The following COL4A3 variants were observed in gnomAD, a reference collection of about 807,000 sequenced individuals.
COL4A3 encodes collagen type IV alpha 3 chain.
A neutral mutation model predicts 217.4 loss-of-function variants in COL4A3; 135 were observed. That is an observed-to-expected ratio of 0.62 (90% CI 0.54 to 0.72). The LOEUF (loss-of-function observed/expected upper bound fraction) is 0.72, where lower values mean the gene tolerates loss of function less well. COL4A3 is among the 30% of genes least tolerant of loss of function. The pLI is 0.00. For synonymous variants in COL4A3, 690 were observed against 736.3 expected, an observed-to-expected ratio of 0.94 and a Z score of 1.02; for missense variants, 1,868 against 2,119.9, an observed-to-expected ratio of 0.88 and a Z score of 2.33.
chr2:227,262,983 T>TA (rs2070681498), intron 20 of COL4A3, among the ~76,000 whole-genome samples: 1 of 152,182 alleles, frequency 6.6e-6, no homozygotes, highest in African/African-American at 2.4e-5. Flanking sequence ...GGGTCAAAGA[T>TA]ACTCAAAAAT....
intron 20 of COL4A3, among the ~76,000 whole-genome samples, chr2:227,262,292 C>T (rs1467975074): frequency 6.6e-6 from 1 of 151,890 alleles, no homozygotes; most frequent in Non-Finnish European, 1.5e-5. Flanking sequence ...CTGCCAGGCC[C>T]CTAAGTAAAA....
chr2:227,190,883 G>C (rs930169863), intron 1 of COL4A3, among the ~76,000 whole-genome samples: 24 of 152,198 alleles, frequency 1.6e-4, no homozygotes, highest in Admixed American at 2.6e-4. Flanking sequence ...CTCCAGACTG[G>C]GTAACAGTAA....
intron 48 of COL4A3, among the ~76,000 whole-genome samples, 170 bp downstream of exon 48, chr2:227,308,089 T>C (rs1418092540): frequency 2.6e-5 from 4 of 152,226 alleles, no homozygotes; most frequent in South Asian, 4.1e-4. Context: ...CATTCTGGAA[T>C]GTAAAATGGT....
intron 48 of COL4A3, among the ~76,000 whole-genome samples, chr2:227,308,217 C>A (rs2073593849): frequency 6.6e-6 from 1 of 151,996 alleles, no homozygotes; most frequent in South Asian, 2.1e-4. Flanking sequence ...TTTTCTTTTT[C>A]TTTTTTCTTT....
In COL4A3 at chr2:227,314,706, A is replaced by C. The variant is rs1030825188; in HGVS notation, c.*2836A>C. ...TATTGTTATATCCTGACAAGATTAT[A>C]ATATTTTAATGTACTAATATTTCTG... On this transcript the variant is annotated 3_prime_UTR_variant, in exon 52 of 52. Coordinates refer to ENST00000396578, the MANE Select transcript of COL4A3 (RefSeq NM_000091.5). The C allele has an allele frequency of 7.0e-6, 1 of 142,842 alleles. No individual in the cohort carries two copies. Among genetic ancestry groups the C allele is most frequent in the Non-Finnish European group, 1.5e-5 (1 of 67,902 alleles). 8.8% of individuals were successfully genotyped at this position (142,842 alleles called of 1,614,324 possible).
At position 227,295,002 on chromosome 2, in the gene COL4A3, A is replaced by G. The variant is rs768652257; in HGVS notation, c.3457A>G (p.Ile1153Val). The G allele has an allele frequency of 8.1e-6, 13 of 1,610,196 alleles. No homozygotes were observed. In the South Asian group the frequency reaches 1.4e-4, roughly 18 times the overall value. ...TCCAGGATCTCCTGGACCAATGGGT[A>G]TAAGAGGTGACCAAGGACGTGATGG... is the stretch of plus-strand genomic sequence containing the variant. Reference protein sequence around the residue: ...GFPGSPGPMGIRGDQGRDGIP... With the variant: ...GFPGSPGPMGVRGDQGRDGIP... The change falls in exon 40 of 52, where the codon ATA (isoleucine) becomes GTA (valine). Residue 1153 changes from isoleucine (I) to valine (V), a missense_variant. This residue lies in a region of COL4A3 where 1,503 missense variants were observed against 1,786.1 expected (regional missense o/e 0.84). Transcript: ENST00000396578.
rs945907024 is a variant in COL4A3, at chr2:227,248,592, A to G, written c.546+72A>G. The G allele has an allele frequency of 6.0e-6, 6 of 995,236 alleles. No individual in the cohort carries two copies. The Admixed American group carries it at 6.9e-5, about 11-fold the overall frequency. 61.7% of individuals were successfully genotyped at this position (995,236 alleles called of 1,614,324 possible). A position where few individuals can be genotyped will look rare whatever the true frequency, so the allele number is the denominator to read the frequency against. ...TCTCTCTCTCTTTTCGCCTCTCTTT[A>G]CTTCGTCTCTCTTTTCCCCCATAAG... is the stretch of plus-strand genomic sequence containing the variant. On this transcript the variant is annotated intron_variant, in intron 9 of 51. Coordinates refer to ENST00000396578, the MANE Select transcript of COL4A3 (RefSeq NM_000091.5).
intron 32 of COL4A3, 116 bp from the exon 33 acceptor site, chr2:227,283,651 C>T (rs1249458260): frequency 1.1e-5 from 10 of 870,602 alleles, no homozygotes; most frequent in Non-Finnish European, 1.9e-5. Flanking sequence ...TGTACAGAGG[C>T]CATTTTTTCA....
chr2:227,284,424 T>A, intron 34 of COL4A3, 79 bp downstream of exon 34: 4 of 1,521,106 alleles, frequency 2.6e-6, no homozygotes, highest in Non-Finnish European at 3.6e-6. Flanking sequence ...ATCCGTTTGG[T>A]TGACAAATAA....
chr2:227,292,971 A>G (rs1470039027), intron 37 of COL4A3, among the ~76,000 whole-genome samples: 1 of 152,180 alleles, frequency 6.6e-6, no homozygotes, highest in African/African-American at 2.4e-5. Context: ...CTTGAAATTC[A>G]CTTTAAAAAG....
chr2:227,191,519 G>A lies in COL4A3; in HGVS notation c.87+26706G>A, dbSNP rs1468453679. ...GTGCATTTGTGGAGCTCCCCTGTTG[G>A]CCATTCCCCGCATCAAGGATTCAAA... is the stretch of plus-strand genomic sequence containing the variant. On this transcript the variant is annotated intron_variant, in intron 1 of 51. Transcript: ENST00000396578. This position sits in a 1 kb window ranked among gnomAD's most constrained non-coding sequence, Gnocchi z 6.8. Among the ~76,000 whole-genome samples, 7 of 152,252 alleles carry A rather than the reference G, an allele frequency of 4.6e-5. No individual in the cohort carries two copies. The highest frequency in any genetic ancestry group is 6.5e-5 in the Admixed American group (1 of 15,290).
At chr2:227,236,813 C>T (rs1450807889) in intron 1 of COL4A3, among the ~76,000 whole-genome samples, 1 of 152,036 alleles carries the variant, frequency 6.6e-6, no homozygotes, top group Non-Finnish European at 1.5e-5. Flanking sequence ...GAGCCCACCA[C>T]CACACCCAGC....
intron 1 of COL4A3, among the ~76,000 whole-genome samples, chr2:227,170,532 A>C (rs1164130402): frequency 1.3e-5 from 2 of 152,072 alleles, no homozygotes; most frequent in African/African-American, 4.8e-5. Flanking sequence ...AAAACATCAG[A>C]TCTCATGAGC....
At chr2:227,304,426 C>T (rs2073419741) in intron 46 of COL4A3, 1 of 389,738 alleles carries the variant, frequency 2.6e-6, no homozygotes, top group African/African-American at 2.0e-5. Context: ...ATGTCTATCT[C>T]CTCTGACAAC....
intron 26 of COL4A3, 51 bp downstream of exon 26, chr2:227,273,168 T>C: frequency 6.3e-7 from 1 of 1,595,632 alleles, no homozygotes; most frequent in Non-Finnish European, 8.6e-7. Flanking sequence ...GGGTTGATGG[T>C]TTCTAGAGCT....
At chr2:227,173,132 C>G (rs964771621) in intron 1 of COL4A3, among the ~76,000 whole-genome samples, 5 of 152,086 alleles carry the variant, frequency 3.3e-5, no homozygotes, top group African/African-American at 1.2e-4. Context: ...TAGAGCAAAG[C>G]TACTAAATGA....
intron 20 of COL4A3, among the ~76,000 whole-genome samples, chr2:227,263,234 C>T (rs2070699121): frequency 1.3e-5 from 2 of 152,226 alleles, no homozygotes; most frequent in South Asian, 4.1e-4. Flanking sequence ...AATAGTTAAA[C>T]TGTTTGTGGG....
At chr2:227,225,621 T>G (rs2068043855) in intron 1 of COL4A3, among the ~76,000 whole-genome samples, 1 of 150,228 alleles carries the variant, frequency 6.7e-6, no homozygotes, top group African/African-American at 2.5e-5. Flanking sequence ...GTGAGAAAAA[T>G]AAGAACGAGG....
chr2:227,267,002 G>A lies in COL4A3; in HGVS notation c.1418G>A (p.Gly473Asp), dbSNP rs1413028515. ...TATGCTCTCATTGCAGGAGAACCAG[G>A]CCTCCTGTGTACACAGTGCCCTTAT... ...PGVDGPKGEP[G>D]LLCTQCPYIP... The change falls in exon 23 of 52, where the codon GGC becomes GAC. Residue 473 changes from glycine (G) to aspartate (D), a missense_variant. Gly to Asp is a moderately conservative substitution (Grantham distance 94). Around this residue, in one of 2 missense-constraint regions of COL4A3, gnomAD observed 1,503 missense variants for 1,786.1 expected, o/e 0.84. Transcript: ENST00000396578. 6.2e-7 allele frequency: 1 copy of A among 1,612,280 alleles called. No homozygotes were observed. Among genetic ancestry groups the A allele is most frequent in the Non-Finnish European group, 8.5e-7 (1 of 1,178,392 alleles).
Sources: gnomAD v4.1 joint callset for allele counts (sites outside exome capture counted in the v4.1 genomes callset) on GRCh38, gnomAD v4.1.1 for gene constraint, gnomAD v4.1.1 regional missense constraint, Gnocchi (gnomAD v3.1) non-coding constraint, MANE v1.5 for transcripts, NCBI Gene and HGNC (gene_info 2026-07-23, HGNC 2026-07-21) for gene names.